GRIK4: variants seen among roughly 807,000 people sequenced by gnomAD.
The protein encoded by GRIK4 is glutamate ionotropic receptor kainate type subunit 4, also known as glutamate receptor ionotropic, kainate 4.
A neutral mutation model predicts 104.9 loss-of-function variants in GRIK4; 40 were observed. The ratio of observed to expected loss-of-function variants is 0.38; its 90% confidence interval spans 0.30 to 0.50. The LOEUF (loss-of-function observed/expected upper bound fraction) is 0.50, where lower values mean the gene tolerates loss of function less well. GRIK4 is among the 20% of genes least tolerant of loss of function. The pLI is 0.93. For synonymous variants in GRIK4, 485 were observed against 524.9 expected, an observed-to-expected ratio of 0.92 and a Z score of 1.04; for missense variants, 1,047 against 1,308.1, an observed-to-expected ratio of 0.80 and a Z score of 3.08.
intron 14 of GRIK4, among the ~76,000 whole-genome samples, chr11:120,944,170 C>T (rs1385223712): frequency 1.4e-5 from 2 of 146,146 alleles, no homozygotes; most frequent in Non-Finnish European, 3.0e-5. Flanking sequence ...CTCTCTCCTC[C>T]CCCCCGTCCC....
chr11:120,794,864 G>C (rs1324590910), intron 3 of GRIK4, among the ~76,000 whole-genome samples: 1 of 152,160 alleles, frequency 6.6e-6, no homozygotes, highest in Non-Finnish European at 1.5e-5. Flanking sequence ...ACGAAGGCAT[G>C]AGTTGGCGGC....
chr11:120,822,274 A>G (rs976689578), intron 6 of GRIK4, among the ~76,000 whole-genome samples: 1 of 151,522 alleles, frequency 6.6e-6, no homozygotes, highest in Non-Finnish European at 1.5e-5. Flanking sequence ...GGAGTTCTCC[A>G]GCAGGGCTTC....
rs2135113769 is a variant in GRIK4 at position 120,591,846 on chromosome 11, T to C, written c.-158-61839T>C. ...TCCTCCTGCATCCCTCCTCCTCTTC[T>C]TGCATCCCTCCCTCCTCTTCTGTAT... On this transcript the variant is annotated intron_variant, in intron 1 of 20. Transcript: ENST00000527524. Among the ~76,000 whole-genome samples the C allele has an allele frequency of 2.0e-5, 3 of 152,282 alleles. 1 individual carries two copies. The Middle Eastern group carries it at 0.01, about 518-fold the overall frequency.
At chr11:120,980,594 A>C (rs1944635006) in intron 19 of GRIK4, among the ~76,000 whole-genome samples, 1 of 152,208 alleles carries the variant, frequency 6.6e-6, no homozygotes, top group African/African-American at 2.4e-5. Context: ...GGGCCTCCAA[A>C]TATAGGTGTT....
intron 1 of GRIK4, among the ~76,000 whole-genome samples, chr11:120,525,905 C>G (rs1364532778): frequency 6.6e-6 from 1 of 152,118 alleles, no homozygotes; most frequent in Non-Finnish European, 1.5e-5. Context: ...TCTGTTTGCT[C>G]AGCAATAAAA....
At chr11:120,980,919 AG>A in intron 19 of GRIK4, among the ~76,000 whole-genome samples, 1 of 152,342 alleles carries the variant, frequency 6.6e-6, no homozygotes, top group Non-Finnish European at 1.5e-5. Context: ...AAATGGCCAT[AG>A]AGCTATTTTT....
intron 13 of GRIK4, among the ~76,000 whole-genome samples, chr11:120,909,946 T>C (rs1243615157): frequency 6.6e-6 from 1 of 152,056 alleles, no homozygotes; most frequent in East Asian, 1.9e-4. Flanking sequence ...TGTTGGGAGG[T>C]GGGGCCCAGT....
rs376368478 is a variant in GRIK4 at position 120,569,777 on chromosome 11, G to A, written c.-159+57890G>A. On this transcript the variant is annotated intron_variant, in intron 1 of 20. Coordinates refer to ENST00000527524, the MANE Select transcript of GRIK4 (RefSeq NM_014619.5). Reference sequence around the variant, plus strand: ...CAGACTTGGAGGAGGCTGGGTGTAGGGAACAGTGGTAGCCCCTATGTGGTG... The same window carrying A: ...CAGACTTGGAGGAGGCTGGGTGTAGAGAACAGTGGTAGCCCCTATGTGGTG... 7.9e-5 allele frequency among the ~76,000 whole-genome samples: 12 copies of A among 151,988 alleles called. No individual in the cohort carries two copies. The South Asian group carries it at 2.5e-3, about 32-fold the overall frequency.
intron 3 of GRIK4, among the ~76,000 whole-genome samples, chr11:120,777,351 G>A (rs2135466380): frequency 6.6e-6 from 1 of 152,254 alleles, no homozygotes; most frequent in African/African-American, 2.4e-5. Context: ...TTACAACTTG[G>A]TTTAGCCCAT....
intron 1 of GRIK4, among the ~76,000 whole-genome samples, chr11:120,629,808 G>A (rs1443968259): frequency 6.6e-6 from 1 of 152,190 alleles, no homozygotes; most frequent in Non-Finnish European, 1.5e-5. Context: ...GCTAGGAGAG[G>A]GAGCTGTGAT....
At chr11:120,872,255 G>T in intron 9 of GRIK4, 1 of 293,546 alleles carries the variant, frequency 3.4e-6, no homozygotes, top group South Asian at 3.5e-5. Flanking sequence ...TCACATGCCT[G>T]GGATCACTCA....
At chr11:120,816,492 C>T (rs1039847178) in intron 5 of GRIK4, among the ~76,000 whole-genome samples, 5 of 152,098 alleles carry the variant, frequency 3.3e-5, no homozygotes, top group Non-Finnish European at 7.4e-5. Flanking sequence ...AAGCTCTAGT[C>T]TCAGGAGGAC....
intron 3 of GRIK4, among the ~76,000 whole-genome samples, chr11:120,732,970 A>C (rs1016625639): frequency 6.6e-6 from 1 of 152,194 alleles, no homozygotes; most frequent in Non-Finnish European, 1.5e-5. Flanking sequence ...ATTGGGGTCT[A>C]TCTCTCTCTT....
intron 3 of GRIK4, among the ~76,000 whole-genome samples, chr11:120,773,894 G>C (rs907948996): frequency 1.2e-4 from 18 of 152,292 alleles, no homozygotes; most frequent in African/African-American, 4.3e-4. Context: ...TAATGCTCCT[G>C]AAGTTTCTGA....
chr11:120,984,677 A>G (rs73585281), intron 20 of GRIK4, among the ~76,000 whole-genome samples: 35,385 of 151,736 alleles, frequency 0.23, 4,313 homozygotes, highest in African/African-American at 0.3. Flanking sequence ...GCTGAGGCAG[A>G]AGAATCGCTT....
intron 16 of GRIK4, among the ~76,000 whole-genome samples, chr11:120,959,279 G>T (rs896850139): frequency 6.6e-6 from 1 of 152,166 alleles, no homozygotes; most frequent in African/African-American, 2.4e-5. Flanking sequence ...AACCCAGCTC[G>T]CTCATGGTGG....
intron 3 of GRIK4, among the ~76,000 whole-genome samples, chr11:120,724,575 G>T (rs1950994958): frequency 6.6e-6 from 1 of 152,236 alleles, no homozygotes; most frequent in Admixed American, 6.5e-5. Flanking sequence ...ATTCAGGACA[G>T]TCCAACACAA....
intron 13 of GRIK4, chr11:120,936,266 A>G (rs1354999566): frequency 4.0e-6 from 2 of 503,930 alleles, no homozygotes; most frequent in East Asian, 5.6e-5. Context: ...GTTAGTCCAC[A>G]TCTTCCAGCT....
intron 11 of GRIK4, among the ~76,000 whole-genome samples, chr11:120,896,810 T>C (rs1942595516): frequency 6.6e-6 from 1 of 152,212 alleles, no homozygotes; most frequent in Admixed American, 6.5e-5. Flanking sequence ...GTGGAACTTG[T>C]GTGGGTCTTC....
Sources: allele counts gnomAD v4.1 joint callset (sites outside exome capture counted in the v4.1 genomes callset), GRCh38; gene constraint gnomAD v4.1.1; transcripts MANE v1.5; gene names NCBI Gene and HGNC (gene_info 2026-07-23, HGNC 2026-07-21).